PCDHGA2: variants seen among roughly 807,000 people sequenced by gnomAD.
The protein encoded by PCDHGA2 is protocadherin gamma subfamily A, 2.
In PCDHGA2, 40 loss-of-function variants were observed where a neutral mutation model predicts 59.2. The ratio of observed to expected loss-of-function variants is 0.68; its 90% CI spans 0.52 to 0.88. PCDHGA2 has a LOEUF of 0.88. PCDHGA2 is among the 40% of genes least tolerant of loss of function. The pLI is 0.00. For synonymous variants in PCDHGA2, 560 were observed against 526.0 expected, an observed-to-expected ratio of 1.06 and a Z score of -0.89; for missense variants, 1,226 against 1,204.0, an observed-to-expected ratio of 1.02 and a Z score of -0.27.
Position 141,489,829 on chromosome 5 carries a change from G to T in PCDHGA2, c.2425-4978G>T, listed in dbSNP as rs1445416879. 6.2e-7 allele frequency: 1 copy of T among 1,614,076 alleles called. No individual in the cohort carries two copies. Among genetic ancestry groups the T allele is most frequent in the South Asian group, 1.1e-5 (1 of 91,070 alleles). ...GAAGCCATTCCCAGAGCTGGTGCTA[G>T]AGCAGCAGCTGGATCGTGAAGCCCA... On this transcript the variant is annotated intron_variant, in intron 1 of 3. Coordinates refer to ENST00000394576, the MANE Select transcript of PCDHGA2 (RefSeq NM_018915.4). The surrounding 1 kb of genome is among the most constrained non-coding windows in gnomAD (Gnocchi z 4.5).
rs1363008017 is a variant in PCDHGA2, at chr5:141,413,215, T to A, written c.2424+71820T>A. ...GAATCGCTCAAAGGAATCAAAGGATTGCAGCGGGCTGGTCCTGCTCTGCCT... is the reference window on the plus strand; with the variant it reads ...GAATCGCTCAAAGGAATCAAAGGATAGCAGCGGGCTGGTCCTGCTCTGCCT... On this transcript the variant is annotated intron_variant, in intron 1 of 3. Coordinates refer to ENST00000394576, the MANE Select transcript of PCDHGA2 (RefSeq NM_018915.4). 6 of 1,613,232 alleles carry A rather than the reference T, an allele frequency of 3.7e-6. No individual in the cohort carries two copies. The African/African-American group carries it at 8.0e-5, about 22-fold the overall frequency.
In PCDHGA2 at chr5:141,432,129, A is replaced by T. The variant is rs758099753; in HGVS notation, c.2425-62678A>T. The T allele has an allele frequency of 6.2e-6, 10 of 1,614,054 alleles. No individual in the cohort carries two copies. In the South Asian group the frequency reaches 8.8e-5, roughly 14 times the overall value. On this transcript the variant is annotated intron_variant, in intron 1 of 3. Transcript: ENST00000394576. This position sits in a 1 kb window ranked among gnomAD's most constrained non-coding sequence, Gnocchi z 6.0. ...CCGCCGGTCTTCCCTCAGGCCTCCTATTCCGCTTATATCCCAGAGAACAAT... is the reference window on the plus strand; with the variant it reads ...CCGCCGGTCTTCCCTCAGGCCTCCTTTTCCGCTTATATCCCAGAGAACAAT...
At chr5:141,350,723 C>T in intron 1 of PCDHGA2, 1 of 1,613,944 alleles carries the variant, frequency 6.2e-7, no homozygotes, top group Non-Finnish European at 8.5e-7. Flanking sequence ...GGATTCTGCT[C>T]AAGATGCAGA....
intron 1 of PCDHGA2, chr5:141,422,547 G>C: frequency 1.9e-6 from 3 of 1,613,938 alleles, no homozygotes; most frequent in Non-Finnish European, 2.5e-6. Context: ...CTCATGTCTG[G>C]CTGAATGTGG....
chr5:141,367,760 C>T (rs1765322147), intron 1 of PCDHGA2: 1 of 152,102 alleles, frequency 6.6e-6, no homozygotes, highest in Non-Finnish European at 1.5e-5. Flanking sequence ...TACTGCTGCA[C>T]TCAATAAATG....
chr5:141,492,460 G>T (rs2099740851), intron 1 of PCDHGA2, among the ~76,000 whole-genome samples: 1 of 152,218 alleles, frequency 6.6e-6, no homozygotes, highest in African/African-American at 2.4e-5. Flanking sequence ...GCGCGCCTGA[G>T]GGTCCCAGAT....
chr5:141,419,605 G>A, intron 1 of PCDHGA2: 1 of 1,611,776 alleles, frequency 6.2e-7, no homozygotes, highest in Non-Finnish European at 8.5e-7. Flanking sequence ...CGCGGGCCGC[G>A]CAGCCAGGCT....
At chr5:141,358,796 A>T (rs2149804071) in intron 1 of PCDHGA2, among the ~76,000 whole-genome samples, 1 of 152,278 alleles carries the variant, frequency 6.6e-6, no homozygotes, top group South Asian at 2.1e-4. Flanking sequence ...TGGGTTCTGG[A>T]CTGATATGAT....
intron 1 of PCDHGA2, chr5:141,423,692 G>T: frequency 7.1e-7 from 1 of 1,405,756 alleles, no homozygotes; most frequent in Non-Finnish European, 9.4e-7. Context: ...CCTAATTGTT[G>T]GTGTCTTGGC....
intron 1 of PCDHGA2, among the ~76,000 whole-genome samples, chr5:141,488,741 C>A (rs2099678972): frequency 1.3e-5 from 2 of 152,310 alleles, no homozygotes; most frequent in South Asian, 4.1e-4. Context: ...TGAAGTCATG[C>A]AGGAAGTTGC....
intron 1 of PCDHGA2, chr5:141,398,967 C>T: frequency 6.2e-7 from 1 of 1,613,942 alleles, no homozygotes; most frequent in Non-Finnish European, 8.5e-7. Flanking sequence ...TTACTTATTC[C>T]TTCTACAGAA....
chr5:141,411,785 G>A (rs2095515346), intron 1 of PCDHGA2: 1 of 152,310 alleles, frequency 6.6e-6, no homozygotes, highest in South Asian at 2.1e-4. Context: ...TGGTGGCTGT[G>A]GTGGGAGAAT....
chr5:141,419,072 G>C (rs17208397), intron 1 of PCDHGA2: 242,774 of 1,613,756 alleles, frequency 0.15, 19,855 homozygotes, highest in Non-Finnish European at 0.17. Context: ...CTACAAGCTA[G>C]TAACAGATGA....
At chr5:141,460,787 C>T (rs1177595415) in intron 1 of PCDHGA2, among the ~76,000 whole-genome samples, 1 of 151,504 alleles carries the variant, frequency 6.6e-6, no homozygotes, top group Non-Finnish European at 1.5e-5. Context: ...TACATATATA[C>T]ACACAAAGTA....
At chr5:141,375,223 C>T in intron 1 of PCDHGA2, 4 of 1,613,982 alleles carry the variant, frequency 2.5e-6, no homozygotes, top group Non-Finnish European at 3.4e-6. Flanking sequence ...GCCTGAATGG[C>T]CTGGTAACCT....
Position 141,476,165 on chromosome 5 carries a change from G to A in PCDHGA2, c.2425-18642G>A. ...CGGACTGGTAAGCACCGGGAGGGTA[G>A]TGGGAGTTTTGCTTCTGCTTGGTGC... On this transcript the variant is annotated intron_variant, in intron 1 of 3. Coordinates refer to ENST00000394576, the MANE Select transcript of PCDHGA2 (RefSeq NM_018915.4). This position sits in a 1 kb window ranked among gnomAD's most constrained non-coding sequence, Gnocchi z 7.6. 1 of 1,613,228 alleles carries A rather than the reference G, an allele frequency of 6.2e-7. No homozygotes were observed.
intron 1 of PCDHGA2, chr5:141,351,877 C>A (rs932577945): frequency 1.9e-6 from 3 of 1,613,314 alleles, no homozygotes; most frequent in Non-Finnish European, 2.5e-6. Flanking sequence ...CCGCGCTCAG[C>A]GCCAACGTGA....
Position 141,405,054 on chromosome 5 carries a change from C to G in PCDHGA2, c.2424+63659C>G, listed in dbSNP as rs773491411. ...CTCGTTGTGGCTGTGGCAGTCGTCT[C>G]CTGTGTCTTCCTCACCTTCGTTATC... On this transcript the variant is annotated intron_variant, in intron 1 of 3. Transcript: ENST00000394576. The G allele has an allele frequency of 2.3e-5, 37 of 1,613,806 alleles. 1 individual carries two copies. The South Asian group carries it at 4.1e-4, about 18-fold the overall frequency.
chr5:141,448,338 T>A (rs1053822287), intron 1 of PCDHGA2, among the ~76,000 whole-genome samples: 1 of 152,192 alleles, frequency 6.6e-6, no homozygotes, highest in African/African-American at 2.4e-5. Context: ...TATAGCCATG[T>A]ACCTCAATCT....
Sources: gnomAD v4.1 joint callset for allele counts (sites outside exome capture counted in the v4.1 genomes callset) on GRCh38, gnomAD v4.1.1 for gene constraint, Gnocchi (gnomAD v3.1) non-coding constraint, MANE v1.5 for transcripts, NCBI Gene and HGNC (gene_info 2026-07-23, HGNC 2026-07-21) for gene names.